The following PXDNL variants were observed in gnomAD, a reference collection of about 807,000 sequenced individuals.
PXDNL encodes the protein peroxidasin like.
PXDNL carries 145 observed loss-of-function variants against 150.8 expected under a neutral mutation model. The observed-to-expected ratio is 0.96, with a 90% CI of 0.84 to 1.10. The LOEUF is 1.10. Among genes scored for constraint, PXDNL ranks in the 50% least tolerant of loss-of-function variants. PXDNL has a pLI of 0.00. For synonymous variants in PXDNL, 757 were observed against 725.7 expected (o/e 1.04, Z -0.69); for missense variants, 2,087 against 1,873.9 (o/e 1.11, Z -2.10).
intron 14 of PXDNL, among the ~76,000 whole-genome samples, chr8:51,421,291 A>G (rs1324197616): frequency 1.3e-5 from 2 of 152,254 alleles, no homozygotes; most frequent in African/African-American, 4.8e-5. Context: ...TAAATAGTTG[A>G]ATAGCAAAAT....
At chr8:51,484,182 A>G (rs1810671829) in intron 5 of PXDNL, among the ~76,000 whole-genome samples, 1 of 152,140 alleles carries the variant, frequency 6.6e-6, no homozygotes, top group African/African-American at 2.4e-5. Flanking sequence ...CACGCCTGTA[A>G]TCCCAGCACT....
At chr8:51,488,512 A>T (rs1005997316) in intron 5 of PXDNL, among the ~76,000 whole-genome samples, 1 of 152,242 alleles carries the variant, frequency 6.6e-6, no homozygotes, top group Non-Finnish European at 1.5e-5. Context: ...AGACATAGAA[A>T]TAGAGATTTT....
chr8:51,533,419 G>A (rs1404408036), intron 4 of PXDNL, among the ~76,000 whole-genome samples: 9 of 151,004 alleles, frequency 6.0e-5, no homozygotes, highest in Admixed American at 5.9e-4. Flanking sequence ...CCAAAATGTT[G>A]GGATTACAGT....
intron 2 of PXDNL, among the ~76,000 whole-genome samples, chr8:51,645,151 G>A (rs1035678480): frequency 2.0e-5 from 3 of 152,048 alleles, no homozygotes; most frequent in African/African-American, 4.8e-5. Flanking sequence ...GAGAGCCATG[G>A]GCAAAAGATG....
At chr8:51,455,614 TA>T (rs1407678459) in intron 9 of PXDNL, among the ~76,000 whole-genome samples, 2 of 152,030 alleles carry the variant, frequency 1.3e-5, no homozygotes, top group African/African-American at 2.4e-5. Flanking sequence ...AAAAGAGATT[TA>T]AAAAGAGAAT....
chr8:51,355,484 T>C (rs1806479561), intron 19 of PXDNL, among the ~76,000 whole-genome samples: 2 of 152,218 alleles, frequency 1.3e-5, no homozygotes, highest in Non-Finnish European at 1.5e-5. Context: ...TGCAATTGTT[T>C]TATTTGAAGG....
chr8:51,563,952 T>C (rs182430617), intron 3 of PXDNL, among the ~76,000 whole-genome samples: 2 of 152,132 alleles, frequency 1.3e-5, no homozygotes, highest in East Asian at 3.9e-4. Context: ...AAATGTGAAA[T>C]AAATCTAGTT....
intron 2 of PXDNL, among the ~76,000 whole-genome samples, chr8:51,597,651 TTG>T (rs71550272): frequency 0.012 from 1,743 of 149,770 alleles, 17 homozygotes; most frequent in South Asian, 0.027. Flanking sequence ...CTCTAAGTAT[TTG>T]TGTGTGTGTG....
chr8:51,345,926 AACTGTCCTCT>A lies in PXDNL; in HGVS notation c.3913_3922del (p.Arg1305SerfsTer4). The A allele has an allele frequency of 6.2e-7, 1 of 1,612,700 alleles. No homozygotes were observed. The highest frequency in any genetic ancestry group is 8.5e-7 in the Non-Finnish European group (1 of 1,178,728). The stretch of plus-strand genomic sequence containing the variant: ...TTGAGACTCTTGCGTCACTGCTCTG[AACTGTCCTCT>A]ACTCCTACAGTCTGTGGGGAAAGAA... On this transcript the variant is annotated frameshift_variant, in exon 20 of 23. Transcript: ENST00000356297. LOFTEE classifies it high-confidence loss of function.
chr8:51,786,945 T>C (rs866440125), intron 1 of PXDNL, among the ~76,000 whole-genome samples: 2 of 152,154 alleles, frequency 1.3e-5, no homozygotes, highest in Non-Finnish European at 2.9e-5. Flanking sequence ...CCAAATTTTA[T>C]TTACCCTTCT....
rs1443518296 is a variant in PXDNL at position 51,696,372 on chromosome 8, C to T, written c.165-41612G>A. Among the ~76,000 whole-genome samples, 7 of 152,166 alleles carry T rather than the reference C, an allele frequency of 4.6e-5. No individual in the cohort carries two copies. The East Asian group carries it at 9.6e-4, about 21-fold the overall frequency. ...TGTGAGGACACAAAGAGAAGGCGGC[C>T]GTCTGCAAGCCAAGAAGATTCTCAC... On this transcript the variant is annotated intron_variant, in intron 1 of 22. Coordinates refer to ENST00000356297, the MANE Select transcript of PXDNL (RefSeq NM_144651.5).
chr8:51,444,017 T>C (rs1024325294), intron 12 of PXDNL, among the ~76,000 whole-genome samples: 1 of 152,238 alleles, frequency 6.6e-6, no homozygotes, highest in African/African-American at 2.4e-5. Context: ...CATTTAACTT[T>C]AGGTAGCTTC....
chr8:51,663,883 T>C, intron 1 of PXDNL, among the ~76,000 whole-genome samples: 1 of 151,752 alleles, frequency 6.6e-6, no homozygotes, highest in East Asian at 1.9e-4. Flanking sequence ...GAAACCCCGT[T>C]TCTACTAAAA....
At chr8:51,543,261 C>T (rs2130490010) in intron 4 of PXDNL, among the ~76,000 whole-genome samples, 1 of 152,236 alleles carries the variant, frequency 6.6e-6, no homozygotes, top group African/African-American at 2.4e-5. Context: ...ACTACTCTGC[C>T]TCTTTCCATA....
intron 17 of PXDNL, among the ~76,000 whole-genome samples, chr8:51,388,807 G>C (rs1279992250): frequency 2.0e-5 from 3 of 151,740 alleles, no homozygotes; most frequent in African/African-American, 7.3e-5. Flanking sequence ...TTATCTTCCA[G>C]TTCACTATTT....
At chr8:51,676,299 T>A (rs920184058) in intron 1 of PXDNL, among the ~76,000 whole-genome samples, 2 of 151,892 alleles carry the variant, frequency 1.3e-5, no homozygotes, top group Non-Finnish European at 2.9e-5. Flanking sequence ...TTTTTTGAGA[T>A]GGAATCTTGC....
chr8:51,324,714 G>C (rs1266946077), intron 21 of PXDNL, among the ~76,000 whole-genome samples: 1 of 151,922 alleles, frequency 6.6e-6, no homozygotes. Context: ...ATTCCGTTTT[G>C]AGCCCATCAA....
At chr8:51,359,858 C>A (rs1267090345) in intron 19 of PXDNL, among the ~76,000 whole-genome samples, 1 of 152,082 alleles carries the variant, frequency 6.6e-6, no homozygotes, top group East Asian at 1.9e-4. Flanking sequence ...AACTAGAAAT[C>A]AGGAAAGGAA....
At chr8:51,373,336 T>C (rs932034125) in intron 18 of PXDNL, among the ~76,000 whole-genome samples, 6 of 152,156 alleles carry the variant, frequency 3.9e-5, no homozygotes, top group South Asian at 2.1e-4. Flanking sequence ...ACCTCCAGAA[T>C]TGTAAGAATA....
Sources: gnomAD v4.1 joint callset for allele counts (sites outside exome capture counted in the v4.1 genomes callset) on GRCh38, gnomAD v4.1.1 for gene constraint, MANE v1.5 for transcripts, NCBI Gene and HGNC (gene_info 2026-07-23, HGNC 2026-07-21) for gene names.